PKIB: variants seen among roughly 807,000 people sequenced by gnomAD.
PKIB encodes the protein PKI-beta.
A neutral mutation model predicts 4.5 loss-of-function variants in PKIB; 2 were observed. The observed-to-expected ratio is 0.44, with a 90% CI of 0.18 to 1.39. The LOEUF is 1.39. Among genes scored for constraint, PKIB ranks in the 40% most tolerant of loss-of-function variants. PKIB has a pLI of 0.27. For synonymous variants in PKIB, 38 were observed against 36.0 expected (o/e 1.06, Z -0.20); for missense variants, 94 against 92.6 (o/e 1.02, Z -0.06).
At chr6:122,588,741 TG>T (rs1410491515) in intron 3 of PKIB, among the ~76,000 whole-genome samples, 1 of 152,208 alleles carries the variant, frequency 6.6e-6, no homozygotes, top group Non-Finnish European at 1.5e-5. Flanking sequence ...ATATATGCCT[TG>T]TATATTCTTG....
At chr6:122,696,878 TTTCATGAGAGAAAGGAACATGCTATTA>T (rs1778596086) in intron 3 of PKIB, among the ~76,000 whole-genome samples, 2 of 152,218 alleles carry the variant, frequency 1.3e-5, no homozygotes, top group African/African-American at 4.8e-5. Context: ...TCAGTCTCCC[TTTCATGAGAGAAAGGAACATGCTATTA>T]GTGGTAGGGT....
chr6:122,688,554 A>G (rs1778185726), intron 3 of PKIB, among the ~76,000 whole-genome samples: 2 of 152,126 alleles, frequency 1.3e-5, no homozygotes, highest in African/African-American at 4.8e-5. Flanking sequence ...AATGTTTGGT[A>G]GAATTTAGCA....
intron 3 of PKIB, among the ~76,000 whole-genome samples, chr6:122,698,505 T>C (rs1778666123): frequency 6.6e-6 from 1 of 152,140 alleles, no homozygotes; most frequent in African/African-American, 2.4e-5. Context: ...GCCCAGTGTG[T>C]GGCCAGTAAT....
At chr6:122,692,190 C>G (rs949931690) in intron 3 of PKIB, among the ~76,000 whole-genome samples, 1 of 152,224 alleles carries the variant, frequency 6.6e-6, no homozygotes, top group African/African-American at 2.4e-5. Context: ...GTAACCATCC[C>G]CTGTCTATAG....
At chr6:122,588,547 C>G (rs947922171) in intron 3 of PKIB, among the ~76,000 whole-genome samples, 1 of 152,144 alleles carries the variant, frequency 6.6e-6, no homozygotes, top group African/African-American at 2.4e-5. Flanking sequence ...GCTACAGTAA[C>G]CAAAACAGCA....
intron 2 of PKIB, among the ~76,000 whole-genome samples, chr6:122,515,855 A>G (rs1043616184): frequency 2.0e-5 from 3 of 152,062 alleles, no homozygotes; most frequent in African/African-American, 4.8e-5. Flanking sequence ...AGCTGGGACT[A>G]CAGGCTCGCA....
At chr6:122,530,593 A>G (rs959108205) in intron 2 of PKIB, among the ~76,000 whole-genome samples, 44 of 152,094 alleles carry the variant, frequency 2.9e-4, no homozygotes, top group African/African-American at 9.9e-4. Context: ...GACTTTGCCT[A>G]TGAGCCTAGC....
chr6:122,623,912 A>C (rs1775335304), intron 1 of PKIB, among the ~76,000 whole-genome samples: 1 of 152,092 alleles, frequency 6.6e-6, no homozygotes, highest in South Asian at 2.1e-4. Context: ...TAAGAGTATT[A>C]ATAAATCTAA....
intron 2 of PKIB, among the ~76,000 whole-genome samples, chr6:122,662,300 C>T: frequency 1.8e-5 from 1 of 54,650 alleles, no homozygotes; most frequent in South Asian, 4.2e-4. Context: ...TCTTTCTTTC[C>T]TTGTCTCCTT....
chr6:122,713,950 G>T (rs1047649164), intron 3 of PKIB, among the ~76,000 whole-genome samples: 2 of 152,016 alleles, frequency 1.3e-5, no homozygotes, highest in Non-Finnish European at 2.9e-5. Flanking sequence ...GTGTGTCAGT[G>T]GATCTAATAC....
At chr6:122,536,046 C>T (rs1777398108) in intron 2 of PKIB, among the ~76,000 whole-genome samples, 1 of 152,090 alleles carries the variant, frequency 6.6e-6, no homozygotes, top group Non-Finnish European at 1.5e-5. Flanking sequence ...TTCAATTGAT[C>T]CTCCTGCCTC....
intron 2 of PKIB, among the ~76,000 whole-genome samples, chr6:122,518,438 A>T (rs1297298717): frequency 6.6e-6 from 1 of 152,130 alleles, no homozygotes; most frequent in Non-Finnish European, 1.5e-5. Context: ...GACTGACTCT[A>T]TCCAAGTGTG....
At chr6:122,479,915 C>T (rs1775558771) in intron 2 of PKIB, 1 of 150,766 alleles carries the variant, frequency 6.6e-6, no homozygotes, top group Admixed American at 6.6e-5. Context: ...GTGAAAAGGT[C>T]CAACAGAGCT....
intron 2 of PKIB, chr6:122,483,865 G>A (rs566239368): frequency 5.3e-5 from 8 of 152,308 alleles, no homozygotes; most frequent in Non-Finnish European, 8.8e-5. Flanking sequence ...GCTTTTAGAT[G>A]ACAGAAGAAC....
At chr6:122,546,973 G>A (rs1456107127) in intron 2 of PKIB, among the ~76,000 whole-genome samples, 1 of 152,038 alleles carries the variant, frequency 6.6e-6, no homozygotes, top group Non-Finnish European at 1.5e-5. Flanking sequence ...AAGAGATTAT[G>A]ACCACTACCA....
intron 2 of PKIB, among the ~76,000 whole-genome samples, chr6:122,548,752 T>C (rs893654038): frequency 6.6e-6 from 1 of 152,198 alleles, no homozygotes; most frequent in Non-Finnish European, 1.5e-5. Context: ...CAATTAATAA[T>C]AGCATTTTGG....
In PKIB at chr6:122,538,662, G is replaced by C. The variant is rs571819677; in HGVS notation, c.-247-47259G>C. Among the ~76,000 whole-genome samples, 3 of 152,148 alleles carry C rather than the reference G, an allele frequency of 2.0e-5. No individual in the cohort carries two copies. In the South Asian group the frequency reaches 6.2e-4, roughly 32 times the overall value. ...GCTTAGGATTGACTTGGCAATGCAGGCTCTTTTTTGGTTCCATATGAACTT... is the reference window on the plus strand; with the variant it reads ...GCTTAGGATTGACTTGGCAATGCAGCCTCTTTTTTGGTTCCATATGAACTT... On this transcript the variant is annotated intron_variant, in intron 2 of 6. Coordinates refer to the PKIB transcript ENST00000392491.
rs190044374 is a variant in PKIB, at chr6:122,529,995, T to C, written c.-248+52056T>C. 7.9e-5 allele frequency among the ~76,000 whole-genome samples: 12 copies of C among 152,238 alleles called. No homozygotes were observed. In the East Asian group the frequency reaches 2.3e-3, roughly 29 times the overall value. On this transcript the variant is annotated intron_variant, in intron 2 of 6. Coordinates refer to the PKIB transcript ENST00000392491. ...TTCTTTCTTCAGATCTGGGCTATTTTCAGCCATTATTTTTTCAAATAAGCT... is the reference window on the plus strand; with the variant it reads ...TTCTTTCTTCAGATCTGGGCTATTTCCAGCCATTATTTTTTCAAATAAGCT...
At chr6:122,549,262 T>C (rs977595292) in intron 2 of PKIB, among the ~76,000 whole-genome samples, 1 of 152,158 alleles carries the variant, frequency 6.6e-6, no homozygotes, top group African/African-American at 2.4e-5. Context: ...AAAAAAAGCA[T>C]CTACTACTAT....
Sources: allele counts gnomAD v4.1 joint callset (sites outside exome capture counted in the v4.1 genomes callset), GRCh38; gene constraint gnomAD v4.1.1; transcripts MANE v1.5; gene names NCBI Gene and HGNC (gene_info 2026-07-23, HGNC 2026-07-21).